CYP2C8: variants seen among roughly 807,000 people sequenced by gnomAD.
The protein encoded by CYP2C8 is cytochrome P450 2C8.
Under a neutral mutation model 41.3 loss-of-function variants are expected in CYP2C8, and 51 were observed. The ratio of observed to expected loss-of-function variants is 1.24; its 90% confidence interval spans 0.99 to 1.56. CYP2C8 has a LOEUF of 1.56. CYP2C8 is among the 40% of genes most tolerant of loss of function. CYP2C8 has a pLI of 0.00. For synonymous variants in CYP2C8, 218 were observed against 205.8 expected, an observed-to-expected ratio of 1.06 and a Z score of -0.51; for missense variants, 651 against 579.9, an observed-to-expected ratio of 1.12 and a Z score of -1.26.
intron 4 of CYP2C8, among the ~76,000 whole-genome samples, chr10:95,063,467 C>G (rs1474374568): frequency 6.6e-6 from 1 of 152,174 alleles, no homozygotes; most frequent in Non-Finnish European, 1.5e-5. Flanking sequence ...ACGTAGTTCT[C>G]CTGCCATGGT....
chr10:95,064,420 C>T (rs1041045413), intron 4 of CYP2C8, among the ~76,000 whole-genome samples: 1 of 152,182 alleles, frequency 6.6e-6, no homozygotes, highest in African/African-American at 2.4e-5. Context: ...GCATGGGACC[C>T]TCCAAGCCAG....
intron 8 of CYP2C8, 136 bp from the exon 9 acceptor site, chr10:95,037,445 G>A (rs1038722024): frequency 1.0e-4 from 73 of 733,548 alleles, no homozygotes; most frequent in Admixed American, 2.5e-4. Flanking sequence ...TGAACATGTG[G>A]ATGAATGGAT....
chr10:95,066,461 A>G (rs1322379361), intron 3 of CYP2C8, among the ~76,000 whole-genome samples: 2 of 152,192 alleles, frequency 1.3e-5, no homozygotes, highest in Non-Finnish European at 2.9e-5. Context: ...GTTAAAATCT[A>G]GTTAAACAAA....
At chr10:95,053,520 T>G (rs552118168) in intron 5 of CYP2C8, among the ~76,000 whole-genome samples, 30 of 152,280 alleles carry the variant, frequency 2.0e-4, no homozygotes, top group Non-Finnish European at 1.2e-4. Flanking sequence ...CCAACCCAAA[T>G]GCCCATCAGT....
chr10:95,042,746 A>G, intron 7 of CYP2C8, 144 bp downstream of exon 7: 1 of 744,462 alleles, frequency 1.3e-6, no homozygotes, highest in Non-Finnish European at 2.4e-6. Flanking sequence ...TATAGCCCCA[A>G]ACAAAATAGC....
At chr10:95,050,883 A>C (rs1249369818) in intron 5 of CYP2C8, among the ~76,000 whole-genome samples, 2 of 151,912 alleles carry the variant, frequency 1.3e-5, no homozygotes, top group African/African-American at 4.8e-5. Flanking sequence ...TACAAAAAAA[A>C]CCCCAGACTA....
In CYP2C8 at chr10:95,037,249, G is replaced by T; in HGVS notation, c.1352C>A (p.Thr451Lys). 1 of 1,613,842 alleles carries T rather than the reference G, an allele frequency of 6.2e-7. No individual in the cohort carries two copies. The highest frequency in any genetic ancestry group is 8.5e-7 in the Non-Finnish European group (1 of 1,179,850). The stretch of plus-strand genomic sequence containing the variant: ...TTTCAGGTTAAAGTTCTGTAAAATT[G>T]TGGTTAGAAATAAAAATAGCTCCAT... ...ARMELFLFLT[T>K]ILQNFNLKSV... Residue 451 changes from threonine (T) to lysine (K), a missense_variant, in exon 9 of 9, where the codon ACA becomes AAA. Thr to Lys is a moderately conservative substitution (Grantham distance 78). Coordinates refer to ENST00000371270, the MANE Select transcript of CYP2C8 (RefSeq NM_000770.3).
intron 4 of CYP2C8, among the ~76,000 whole-genome samples, chr10:95,059,311 T>A (rs2033375416): frequency 6.6e-6 from 1 of 152,210 alleles, no homozygotes; most frequent in Admixed American, 6.5e-5. Flanking sequence ...ACCTGTTGTT[T>A]CCTGACTTTT....
intron 5 of CYP2C8, among the ~76,000 whole-genome samples, chr10:95,046,493 A>C (rs951386592): frequency 6.6e-6 from 1 of 152,310 alleles, no homozygotes; most frequent in African/African-American, 2.4e-5. Flanking sequence ...TGCAATAACA[A>C]CATGAGTATA....
At chr10:95,042,357 A>G (rs976215576) in intron 7 of CYP2C8, among the ~76,000 whole-genome samples, 4 of 152,170 alleles carry the variant, frequency 2.6e-5, no homozygotes, top group African/African-American at 9.6e-5. Context: ...TAAGGTCATC[A>G]GAATAGTATA....
chr10:95,065,218 C>G (rs2185571), intron 3 of CYP2C8, among the ~76,000 whole-genome samples: 1 of 151,964 alleles, frequency 6.6e-6, no homozygotes, highest in Non-Finnish European at 1.5e-5. Context: ...CTCTTTTAAC[C>G]CCAAGTGTCT....
chr10:95,039,843 T>A (rs1284909554), intron 7 of CYP2C8, among the ~76,000 whole-genome samples: 1 of 152,182 alleles, frequency 6.6e-6, no homozygotes, highest in African/African-American at 2.4e-5. Context: ...TCCCACCTCA[T>A]CAATGTGATT....
chr10:95,046,541 TG>T (rs1486037302), intron 5 of CYP2C8, among the ~76,000 whole-genome samples: 9 of 152,208 alleles, frequency 5.9e-5, no homozygotes, highest in African/African-American at 1.9e-4. Flanking sequence ...AGTCATGTTT[TG>T]TTAGGCTGCA....
Position 95,064,804 on chromosome 10 carries a change from A to G in CYP2C8, c.638T>C (p.Ile213Thr). Residue 213 changes from isoleucine (I) to threonine (T), a missense_variant, in exon 4 of 9, where the codon ATC (isoleucine) becomes ACC (threonine). Ile to Thr is a moderately conservative substitution (Grantham distance 89). Transcript: ENST00000371270. ...AAAATAAAATCTTGGCCTTACCTGG[A>G]TCCATGGGGAGTTCAGAATCCTGAA... ...ENFRILNSPW[I>T]QVCNNFPLLI... 6.2e-7 allele frequency: 1 copy of G among 1,613,854 alleles called. No homozygotes were observed. Among genetic ancestry groups the G allele is most frequent in the Non-Finnish European group, 8.5e-7 (1 of 1,179,850 alleles).
At chr10:95,053,255 G>T (rs141456520) in intron 5 of CYP2C8, among the ~76,000 whole-genome samples, 1 of 152,114 alleles carries the variant, frequency 6.6e-6, no homozygotes, top group African/African-American at 2.4e-5. Flanking sequence ...TCATTAAAAA[G>T]TCAGGAAACA....
chr10:95,051,247 A>G (rs1216920064), intron 5 of CYP2C8, among the ~76,000 whole-genome samples: 1 of 152,160 alleles, frequency 6.6e-6, no homozygotes, highest in Non-Finnish European at 1.5e-5. Flanking sequence ...ATAGAATAGA[A>G]TTGATTCAGC....
intron 1 of CYP2C8, chr10:95,068,604 TTCAG>T (rs1360398848): frequency 7.8e-7 from 1 of 1,288,954 alleles, no homozygotes; most frequent in South Asian, 1.2e-5. Flanking sequence ...TCCCTTCACC[TTCAG>T]TCAAAAATCA....
At chr10:95,047,048 T>A (rs1189962859) in intron 5 of CYP2C8, among the ~76,000 whole-genome samples, 1 of 152,152 alleles carries the variant, frequency 6.6e-6, no homozygotes, top group Non-Finnish European at 1.5e-5. Flanking sequence ...TCACATAAGA[T>A]CTGGTTTTTT....
chr10:95,069,463 T>C lies in CYP2C8; in HGVS notation c.-61A>G, dbSNP rs1407726403. On this transcript the variant is annotated 5_prime_UTR_variant, in exon 1 of 9. Coordinates refer to ENST00000371270, the MANE Select transcript of CYP2C8 (RefSeq NM_000770.3). ...TTGCACTCCAAAGTTTTTATAACACTCCCTGCTAATTTAGTGTGTGTCTCT... is the reference window on the plus strand; with the variant it reads ...TTGCACTCCAAAGTTTTTATAACACCCCCTGCTAATTTAGTGTGTGTCTCT... 2 of 1,325,408 alleles carry C rather than the reference T, an allele frequency of 1.5e-6. No individual in the cohort carries two copies. The highest frequency in any genetic ancestry group is 2.2e-6 in the Non-Finnish European group (2 of 921,088). The allele number at this position is 1,325,408 out of a possible 1,614,324, so 82.1% of individuals were successfully genotyped here. A position where few individuals can be genotyped will look rare whatever the true frequency, so the allele number is the denominator to read the frequency against.
Sources: allele counts gnomAD v4.1 joint callset (sites outside exome capture counted in the v4.1 genomes callset), GRCh38; gene constraint gnomAD v4.1.1; transcripts MANE v1.5; gene names NCBI Gene and HGNC (gene_info 2026-07-23, HGNC 2026-07-21).